Variants in UQCC2 observed in about 807,000 individuals in gnomAD.
The protein encoded by UQCC2 is breast cancer-associated protein SGA-81M.
A neutral mutation model predicts 19.9 loss-of-function variants in UQCC2; 21 were observed. The ratio of observed to expected loss-of-function variants is 1.05; its 90% confidence interval spans 0.75 to 1.52. UQCC2 has a LOEUF of 1.52. UQCC2 is among the 40% of genes most tolerant of loss of function. The pLI is 0.00. For missense variants in UQCC2, 135 were observed against 157.5 expected (o/e 0.86, Z 0.76); for synonymous variants, 57 against 60.9 (o/e 0.94, Z 0.30).
Position 33,697,580 on chromosome 6 carries a change from T to G in UQCC2, c.*73A>C, listed in dbSNP as rs1266006640. Reference sequence around the variant, plus strand: ...CCAAACCGTAAGGTCAAGGGGAAACTGGGGCAGTTTTATTGACGATGGCAA... The same window carrying G: ...CCAAACCGTAAGGTCAAGGGGAAACGGGGGCAGTTTTATTGACGATGGCAA... On this transcript the variant is annotated 3_prime_UTR_variant, in exon 4 of 4. Coordinates refer to ENST00000607484, the MANE Select transcript of UQCC2 (RefSeq NM_032340.4). 2 of 1,171,086 alleles carry G rather than the reference T, an allele frequency of 1.7e-6. No individual in the cohort carries two copies. Among genetic ancestry groups the G allele is most frequent in the East Asian group, 2.4e-5 (1 of 42,146 alleles). 72.5% of individuals were successfully genotyped at this position (1,171,086 alleles called of 1,614,324 possible). A position where few individuals can be genotyped will look rare whatever the true frequency, so the allele number is the denominator to read the frequency against.
intron 1 of UQCC2, among the ~76,000 whole-genome samples, chr6:33,706,717 C>CAGGGCTTTTAAGGGGAACCCAGGG (rs1184669301): frequency 6.6e-6 from 1 of 152,216 alleles, no homozygotes; most frequent in Non-Finnish European, 1.5e-5. Context: ...TTTAGGCAGA[C>CAGGGCTTTTAAGGGGAACCCAGGG]AGGGCTTTTA....
chr6:33,706,983 G>T (rs569712511), intron 1 of UQCC2, among the ~76,000 whole-genome samples: 17 of 152,320 alleles, frequency 1.1e-4, no homozygotes, highest in African/African-American at 3.8e-4. Flanking sequence ...GGCACTGCAG[G>T]TCTCACAAAG....
intron 1 of UQCC2, among the ~76,000 whole-genome samples, chr6:33,704,792 C>T (rs1327834063): frequency 6.6e-6 from 1 of 152,174 alleles, no homozygotes; most frequent in Non-Finnish European, 1.5e-5. Flanking sequence ...CCTTCCTGCT[C>T]CAACTTCTCT....
chr6:33,699,339 C>T (rs1213819110), intron 3 of UQCC2, among the ~76,000 whole-genome samples: 2 of 152,192 alleles, frequency 1.3e-5, no homozygotes, highest in South Asian at 2.1e-4. Context: ...GGGACTATCT[C>T]CCAGCCTTCG....
intron 1 of UQCC2, among the ~76,000 whole-genome samples, chr6:33,709,808 C>G (rs1765744817): frequency 6.6e-6 from 1 of 152,070 alleles, no homozygotes; most frequent in African/African-American, 2.4e-5. Context: ...AAGTCTTGGC[C>G]AAGTTTCACA....
In UQCC2 at chr6:33,701,324, TAA is replaced by T. The variant is rs779633394; in HGVS notation, c.213+20_213+21del. 2.2e-5 allele frequency: 36 copies of T among 1,605,340 alleles called. No individual in the cohort carries two copies. The highest frequency in any genetic ancestry group is 2.6e-5 in the Non-Finnish European group (31 of 1,176,498). On this transcript the variant is annotated intron_variant, in intron 2 of 3. Coordinates refer to ENST00000607484, the MANE Select transcript of UQCC2 (RefSeq NM_032340.4). ...TTGTCCCGTCAGAAAGCTGGGTATA[TAA>T]AAGACTGTGGCCCACTCACCTTGTG...
chr6:33,701,277 G>C, intron 2 of UQCC2, 69 bp downstream of exon 2: 1 of 1,498,396 alleles, frequency 6.7e-7, no homozygotes, highest in Non-Finnish European at 9.1e-7. Context: ...TACCTAATCA[G>C]ATTTTCACTC....
At chr6:33,701,814 C>A (rs953673398) in intron 1 of UQCC2, among the ~76,000 whole-genome samples, 1 of 151,550 alleles carries the variant, frequency 6.6e-6, no homozygotes, top group African/African-American at 2.4e-5. Flanking sequence ...GTGGGGGAGT[C>A]CCCGCATGCT....
intron 1 of UQCC2, 106 bp downstream of exon 1, chr6:33,711,443 G>A: frequency 9.0e-6 from 13 of 1,451,446 alleles, no homozygotes; most frequent in South Asian, 1.4e-5. Flanking sequence ...GTGCTGCCTG[G>A]AAAGAGGGCG....
In UQCC2 at chr6:33,697,578, A is replaced by C; in HGVS notation, c.*75T>G. On this transcript the variant is annotated 3_prime_UTR_variant, in exon 4 of 4. Coordinates refer to ENST00000607484, the MANE Select transcript of UQCC2 (RefSeq NM_032340.4). ...TCCCAAACCGTAAGGTCAAGGGGAA[A>C]CTGGGGCAGTTTTATTGACGATGGC... is the stretch of plus-strand genomic sequence containing the variant. The C allele has an allele frequency of 8.7e-7, 1 of 1,153,246 alleles. No individual in the cohort carries two copies. Among genetic ancestry groups the C allele is most frequent in the East Asian group, 2.4e-5 (1 of 42,084 alleles). 71.4% of individuals were successfully genotyped at this position (1,153,246 alleles called of 1,614,324 possible). A position where few individuals can be genotyped will look rare whatever the true frequency, so the allele number is the denominator to read the frequency against.
intron 1 of UQCC2, among the ~76,000 whole-genome samples, chr6:33,702,711 T>C (rs887274275): frequency 2.0e-5 from 3 of 152,264 alleles, no homozygotes; most frequent in Admixed American, 6.5e-5. Context: ...GCCAAGAATT[T>C]TGAAAAGCTC....
At chr6:33,701,238 C>G in intron 2 of UQCC2, 108 bp downstream of exon 2, 1 of 1,207,092 alleles carries the variant, frequency 8.3e-7, no homozygotes, top group Non-Finnish European at 1.1e-6. Context: ...TTCATTTGAA[C>G]GCAGCAAAGC....
intron 1 of UQCC2, among the ~76,000 whole-genome samples, chr6:33,707,113 T>A (rs1026286798): frequency 6.6e-6 from 1 of 152,232 alleles, no homozygotes; most frequent in Non-Finnish European, 1.5e-5. Flanking sequence ...GCTTTACATA[T>A]GCAGAGATAA....
In UQCC2 at chr6:33,701,385, C is replaced by T. The variant is rs776682082; in HGVS notation, c.174G>A (p.Glu58=). The T allele has an allele frequency of 7.4e-6, 12 of 1,613,710 alleles. No individual in the cohort carries two copies. The highest frequency in any genetic ancestry group is 1.0e-5 in the Non-Finnish European group (12 of 1,179,914). ...AEPEACDQMY[E]SLARLHSNYY... ...AGTTTGAATGGAGTCGCGCTAAGCT[C>T]TCGTACATCTGATCACAGGCCTCAG... Residue 58 remains glutamate, a synonymous_variant, in exon 2 of 4, where the codon GAG becomes GAA. Coordinates refer to ENST00000607484, the MANE Select transcript of UQCC2 (RefSeq NM_032340.4).
At chr6:33,704,402 A>G (rs1034868867) in intron 1 of UQCC2, among the ~76,000 whole-genome samples, 1 of 152,232 alleles carries the variant, frequency 6.6e-6, no homozygotes, top group African/African-American at 2.4e-5. Context: ...ATGGGTCAGC[A>G]TGTTACCAGT....
intron 1 of UQCC2, among the ~76,000 whole-genome samples, chr6:33,705,115 T>C (rs1368954268): frequency 6.6e-6 from 1 of 150,710 alleles, no homozygotes; most frequent in African/African-American, 2.4e-5. Context: ...CACTGCAAGC[T>C]CCGCCTCCCG....
intron 3 of UQCC2, chr6:33,698,104 C>T: frequency 5.0e-6 from 1 of 199,718 alleles, no homozygotes; most frequent in Middle Eastern, 4.7e-4. Context: ...CCAGATGCTT[C>T]ATCGCAAAAT....
At chr6:33,711,419 G>A (rs891317777) in intron 1 of UQCC2, 130 bp downstream of exon 1, 4 of 1,324,176 alleles carry the variant, frequency 3.0e-6, no homozygotes, top group Non-Finnish European at 4.0e-6. Context: ...GGGAAAAAGG[G>A]GGTCCGCGCT....
rs76935430 is a variant in UQCC2, at chr6:33,705,609, A to G, written c.139-4189T>C. Among the ~76,000 whole-genome samples, 15 of 152,244 alleles carry G rather than the reference A, an allele frequency of 9.9e-5. No homozygotes were observed. The East Asian group carries it at 2.9e-3, about 29-fold the overall frequency. ...GTCAATGCTGGGTTCCTAGCCACAG[A>G]TAACTCAAGCTCAGCAATTAAAAAA... On this transcript the variant is annotated intron_variant, in intron 1 of 3. Transcript: ENST00000607484.
Sources: gnomAD v4.1 joint callset for allele counts (sites outside exome capture counted in the v4.1 genomes callset) on GRCh38, gnomAD v4.1.1 for gene constraint, MANE v1.5 for transcripts, NCBI Gene and HGNC (gene_info 2026-07-23, HGNC 2026-07-21) for gene names.